COX4I1: variants seen among roughly 807,000 people sequenced by gnomAD.
The protein encoded by COX4I1 is cytochrome c oxidase subunit 4I1.
A neutral mutation model predicts 21.7 loss-of-function variants in COX4I1; 18 were observed. That is an observed-to-expected ratio of 0.83 (90% CI 0.57 to 1.23). The LOEUF (loss-of-function observed/expected upper bound fraction) is 1.23. Among genes scored for constraint, COX4I1 ranks in the 50% most tolerant of loss-of-function variants. The pLI, the probability that COX4I1 is intolerant of heterozygous loss-of-function variation, is 0.00. For missense variants in COX4I1, 238 were observed against 220.7 expected, an observed-to-expected ratio of 1.08 and a Z score of -0.50; for synonymous variants, 100 against 81.5, an observed-to-expected ratio of 1.23 and a Z score of -1.23.
chr16:85,804,580 TCTC>T (rs1306471508), intron 2 of COX4I1: 1 of 171,910 alleles, frequency 5.8e-6, no homozygotes, highest in African/African-American at 2.4e-5. Context: ...ATGGTCTCGA[TCTC>T]CTGACATCGT....
intron 4 of COX4I1, 179 bp from the exon 5 acceptor site, chr16:85,806,559 A>G: frequency 2.3e-6 from 2 of 869,744 alleles, no homozygotes; most frequent in Non-Finnish European, 1.9e-6. Context: ...ACAAAGGGCT[A>G]ATTTTAAAAT....
chr16:85,801,706 C>T (rs1905779507), intron 2 of COX4I1, among the ~76,000 whole-genome samples: 1 of 152,148 alleles, frequency 6.6e-6, no homozygotes, highest in Non-Finnish European at 1.5e-5. Flanking sequence ...GTTTTCATCT[C>T]ATTTCTATCA....
chr16:85,807,002 A>G lies in COX4I1; in HGVS notation c.*128A>G. The G allele has an allele frequency of 1.0e-6, 1 of 966,802 alleles. No homozygotes were observed. Among genetic ancestry groups the G allele is most frequent in the Admixed American group, 2.7e-5 (1 of 37,154 alleles). 59.9% of individuals were successfully genotyped at this position (966,802 alleles called of 1,614,324 possible). On this transcript the variant is annotated 3_prime_UTR_variant, in exon 5 of 5. Transcript: ENST00000253452. ...CTAATAAATGACCAGTTTACCTGAA[A>G]CCCTTTGTGATCAGTTCTTTAATGA...
At position 85,804,994 on chromosome 16, in the gene COX4I1, A is replaced by G; in HGVS notation, c.131A>G (p.His44Arg). The G allele has an allele frequency of 6.2e-7, 1 of 1,613,930 alleles. No individual in the cohort carries two copies. Among genetic ancestry groups the G allele is most frequent in the South Asian group, 1.1e-5 (1 of 91,066 alleles). Residue 44 changes from histidine (H) to arginine (R), a missense_variant, in exon 3 of 5, where the codon CAC (histidine) becomes CGC (arginine). Coordinates refer to ENST00000253452, the MANE Select transcript of COX4I1 (RefSeq NM_001861.6). ...SLPAYMDRRD[H>R]PLPEVAHVKH... ...CCAGCTTATATGGATCGGCGTGACCACCCCTTGCCGGAGGTGGCCCATGTC... is the reference window on the plus strand; with the variant it reads ...CCAGCTTATATGGATCGGCGTGACCGCCCCTTGCCGGAGGTGGCCCATGTC...
rs1905546541 is a variant in COX4I1 at position 85,799,923 on chromosome 16, T to A, written c.-2+171T>A. On this transcript the variant is annotated intron_variant, in intron 1 of 4. Transcript: ENST00000253452. The surrounding 1 kb of genome is among the most constrained non-coding windows in gnomAD (Gnocchi z 4.2). ...CGGCCCGTGGGGACTCCGGGCTCGG[T>A]GGCTCCAGGCTCGGGGGGCCGCCCC... The A allele has an allele frequency of 6.6e-6, 1 of 152,112 alleles. No homozygotes were observed. Among genetic ancestry groups the A allele is most frequent in the Non-Finnish European group, 1.5e-5 (1 of 68,010 alleles). 9.4% of individuals were successfully genotyped at this position (152,112 alleles called of 1,614,324 possible).
In COX4I1 at chr16:85,805,849, T is replaced by C; in HGVS notation, c.358T>C (p.Trp120Arg). 1 of 1,614,244 alleles carries C rather than the reference T, an allele frequency of 6.2e-7. No individual in the cohort carries two copies. The highest frequency in any genetic ancestry group is 2.2e-5 in the East Asian group (1 of 44,894). The change falls in exon 4 of 5, where the codon TGG becomes CGG. Residue 120 changes from tryptophan to arginine, a missense_variant. Trp to Arg is a moderately radical substitution (Grantham distance 101). Transcript: ENST00000253452. ...FIGFTALVIM[W>R]QKHYVYGPLP... ...CGGTTTCACCGCGCTCGTTATCATGTGGCAGAAGCACTATGGTGAGTAGAG... is the reference window on the plus strand; with the variant it reads ...CGGTTTCACCGCGCTCGTTATCATGCGGCAGAAGCACTATGGTGAGTAGAG...
At chr16:85,801,680 TCCTAGCCTGAG>T (rs1567840686) in intron 2 of COX4I1, among the ~76,000 whole-genome samples, 1 of 152,192 alleles carries the variant, frequency 6.6e-6, no homozygotes, top group African/African-American at 2.4e-5. Context: ...AGCCTGGACT[TCCTAGCCTGAG>T]CTGGGTTTTC....
rs369967101 is a variant in COX4I1 at position 85,805,869 on chromosome 16, G to C, written c.373+5G>C. 1 of 1,613,952 alleles carries C rather than the reference G, an allele frequency of 6.2e-7. No homozygotes were observed. Among genetic ancestry groups the C allele is most frequent in the Non-Finnish European group, 8.5e-7 (1 of 1,179,952 alleles). ...TCATGTGGCAGAAGCACTATGGTGAGTAGAGAGGGAGGAAGGCATGGGCGC... is the reference window on the plus strand; with the variant it reads ...TCATGTGGCAGAAGCACTATGGTGACTAGAGAGGGAGGAAGGCATGGGCGC... On this transcript the variant is annotated splice_donor_5th_base_variant and intron_variant, in intron 4 of 4. Transcript: ENST00000253452.
intron 2 of COX4I1, chr16:85,803,544 G>A (rs1281530554): frequency 6.6e-6 from 1 of 152,202 alleles, no homozygotes; most frequent in Non-Finnish European, 1.5e-5. Context: ...GCTTCTAACA[G>A]TGGGAAGACT....
Position 85,806,885 on chromosome 16 carries a change from C to T in COX4I1, c.*11C>T. 6.2e-7 allele frequency: 1 copy of T among 1,608,840 alleles called. No homozygotes were observed. The highest frequency in any genetic ancestry group is 8.5e-7 in the Non-Finnish European group (1 of 1,176,906). On this transcript the variant is annotated 3_prime_UTR_variant, in exon 5 of 5. Coordinates refer to ENST00000253452, the MANE Select transcript of COX4I1 (RefSeq NM_001861.6). ...GAGTGGAAGAAGTGAGAGATGCTGG[C>T]CTGCGCCTGCACCTGCGCCTGGCTC...
intron 2 of COX4I1, chr16:85,803,413 G>A (rs1905921015): frequency 6.6e-6 from 1 of 152,186 alleles, no homozygotes; most frequent in Admixed American, 6.5e-5. Flanking sequence ...CACATGATTT[G>A]GGTGATTTTA....
chr16:85,806,006 A>G, intron 4 of COX4I1, 142 bp downstream of exon 4: 1 of 1,224,332 alleles, frequency 8.2e-7, no homozygotes. Flanking sequence ...GATTGTTTCC[A>G]GGCCTTGGTG....
intron 4 of COX4I1, chr16:85,806,311 T>G (rs1316527817): frequency 3.3e-6 from 2 of 611,482 alleles, no homozygotes; most frequent in Non-Finnish European, 5.8e-6. Flanking sequence ...GCCGGGTTGC[T>G]CGCTCGTGGT....
chr16:85,805,186 C>T (rs1173393574), intron 3 of COX4I1, 82 bp downstream of exon 3: 1 of 1,308,322 alleles, frequency 7.6e-7, no homozygotes, highest in East Asian at 2.6e-5. Flanking sequence ...ACTTCTGGGC[C>T]TACTGTCTAG....
intron 2 of COX4I1, among the ~76,000 whole-genome samples, chr16:85,801,598 C>T (rs781593987): frequency 1.6e-4 from 24 of 152,242 alleles, no homozygotes; most frequent in Admixed American, 6.5e-5. Context: ...ACCTCCCTCC[C>T]CACCTTGCCC....
intron 4 of COX4I1, chr16:85,806,162 T>C (rs1363335701): frequency 3.4e-6 from 2 of 585,806 alleles, no homozygotes; most frequent in Non-Finnish European, 6.1e-6. Flanking sequence ...ACCAGTCACT[T>C]AGCGAAAGAT....
chr16:85,805,078 G>C lies in COX4I1; in HGVS notation c.215G>C (p.Ser72Thr), dbSNP rs887346101. Residue 72 changes from serine (S) to threonine (T), a missense_variant, in exon 3 of 5, where the codon AGC becomes ACC. Physicochemically the swap from Ser to Thr is moderately conservative, Grantham distance 58. Transcript: ENST00000253452. ...GAGAAGGAGAAGGCCTCCTGGAGCA[G>C]CCTCTCCATGGATGAGAAAGTCGAG... The part of the protein sequence containing the change: ...LKEKEKASWS[S>T]LSMDEKVELY... 1 of 1,613,392 alleles carries C rather than the reference G, an allele frequency of 6.2e-7. No individual in the cohort carries two copies. Among genetic ancestry groups the C allele is most frequent in the Admixed American group, 1.7e-5 (1 of 59,852 alleles).
At chr16:85,802,685 C>G (rs2733955) in intron 2 of COX4I1, among the ~76,000 whole-genome samples, 41,437 of 152,144 alleles carry the variant, frequency 0.27, 6,540 homozygotes, top group East Asian at 0.72. Flanking sequence ...AACAGAAATC[C>G]GTCCATGTTG....
chr16:85,806,467 C>T (rs1256168987), intron 4 of COX4I1: 2 of 704,610 alleles, frequency 2.8e-6, no homozygotes, highest in Admixed American at 2.0e-5. Flanking sequence ...TCACCTTGGG[C>T]TCTGTTTGTC....
Sources: gnomAD v4.1 joint callset for allele counts (sites outside exome capture counted in the v4.1 genomes callset) on GRCh38, gnomAD v4.1.1 for gene constraint, Gnocchi (gnomAD v3.1) non-coding constraint, MANE v1.5 for transcripts, NCBI Gene and HGNC (gene_info 2026-07-23, HGNC 2026-07-21) for gene names.